CPNE4: variants seen among roughly 807,000 people sequenced by gnomAD.
CPNE4 encodes copine 4.
Under a neutral mutation model 67.9 loss-of-function variants are expected in CPNE4, and 25 were observed. The ratio of observed to expected loss-of-function variants is 0.37; its 90% confidence interval spans 0.27 to 0.51. The LOEUF (loss-of-function observed/expected upper bound fraction) is 0.51. Among genes scored for constraint, CPNE4 ranks in the 20% least tolerant of loss-of-function variants. The pLI is 0.93. For missense variants in CPNE4, 464 were observed against 690.8 expected (o/e 0.67, Z 3.68); for synonymous variants, 242 against 244.9 (o/e 0.99, Z 0.11).
chr3:131,625,868 T>C (rs952760582), intron 7 of CPNE4, among the ~76,000 whole-genome samples: 3 of 152,222 alleles, frequency 2.0e-5, no homozygotes, highest in African/African-American at 7.2e-5. Flanking sequence ...TCTATCAGTG[T>C]CATTTTTCCA....
At chr3:131,806,971 G>A (rs937833996) in intron 2 of CPNE4, among the ~76,000 whole-genome samples, 3 of 152,162 alleles carry the variant, frequency 2.0e-5, no homozygotes, top group African/African-American at 7.2e-5. Flanking sequence ...TCACACTAGA[G>A]GTTTACCAGG....
intron 2 of CPNE4, among the ~76,000 whole-genome samples, chr3:131,742,766 T>A (rs563451492): frequency 3.5e-4 from 53 of 152,088 alleles, no homozygotes; most frequent in African/African-American, 1.2e-3. Flanking sequence ...TTCCTAGAGA[T>A]CCTTGTATTA....
At chr3:131,669,094 A>G (rs2080334550) in intron 7 of CPNE4, among the ~76,000 whole-genome samples, 1 of 152,138 alleles carries the variant, frequency 6.6e-6, no homozygotes, top group African/African-American at 2.4e-5. Flanking sequence ...TGTGTGTGTT[A>G]GTCCAAGCTG....
At chr3:131,824,026 A>G (rs890550748) in intron 2 of CPNE4, among the ~76,000 whole-genome samples, 32 of 152,222 alleles carry the variant, frequency 2.1e-4, no homozygotes, top group Non-Finnish European at 5.9e-5. Flanking sequence ...AGAATCTAAC[A>G]AAGAATCTTT....
Position 131,802,864 on chromosome 3 carries a change from A to C in CPNE4, c.181-79239T>G, listed in dbSNP as rs546991427. Among the ~76,000 whole-genome samples the C allele has an allele frequency of 8.5e-5, 13 of 152,314 alleles. No individual in the cohort carries two copies. In the East Asian group the frequency reaches 2.5e-3, roughly 29 times the overall value. On this transcript the variant is annotated intron_variant, in intron 2 of 15. Transcript: ENST00000429747. ...TCAAAGAGGGACCAGGTCATGATAA[A>C]GCAAAGCTGAAAGTCACTGCAGAGC...
chr3:131,887,114 C>A (rs2087923237), intron 2 of CPNE4, among the ~76,000 whole-genome samples: 1 of 152,152 alleles, frequency 6.6e-6, no homozygotes, highest in South Asian at 2.1e-4. Flanking sequence ...CTCATGATTC[C>A]CACATGTTGT....
chr3:131,801,448 G>GTA (rs1468625662), intron 2 of CPNE4, among the ~76,000 whole-genome samples: 1 of 59,848 alleles, frequency 1.7e-5, no homozygotes, highest in African/African-American at 7.3e-5. Flanking sequence ...GTGTGTGTGT[G>GTA]TGTGTATATA....
intron 7 of CPNE4, among the ~76,000 whole-genome samples, chr3:131,655,661 G>A (rs1020429332): frequency 2.6e-5 from 4 of 152,136 alleles, no homozygotes; most frequent in African/African-American, 4.8e-5. Context: ...GGGGGGCAGG[G>A]GGGTGGAGAC....
intron 5 of CPNE4, 75 bp downstream of exon 5, chr3:131,696,467 T>C: frequency 4.3e-6 from 6 of 1,379,756 alleles, no homozygotes; most frequent in Non-Finnish European, 6.2e-6. Flanking sequence ...GAAAAATAGT[T>C]GCAGGGGGAA....
intron 2 of CPNE4, among the ~76,000 whole-genome samples, chr3:131,739,955 C>G (rs548993231): frequency 6.6e-6 from 1 of 152,226 alleles, no homozygotes; most frequent in Non-Finnish European, 1.5e-5. Context: ...AATGTCAAAG[C>G]GACTTGCCCT....
At chr3:131,907,177 C>T (rs561949048) in intron 1 of CPNE4, among the ~76,000 whole-genome samples, 1 of 152,148 alleles carries the variant, frequency 6.6e-6, no homozygotes, top group Non-Finnish European at 1.5e-5. Flanking sequence ...CAGAGGCCAT[C>T]AGTGCTCTCC....
At chr3:131,689,016 G>T (rs1348577606) in intron 5 of CPNE4, among the ~76,000 whole-genome samples, 2 of 152,116 alleles carry the variant, frequency 1.3e-5, no homozygotes, top group African/African-American at 4.8e-5. Context: ...TAGGCAAGAA[G>T]TTATTGTCAG....
intron 1 of CPNE4, among the ~76,000 whole-genome samples, chr3:131,972,178 A>G (rs911597015): frequency 3.9e-5 from 6 of 152,352 alleles, no homozygotes; most frequent in African/African-American, 1.4e-4. Flanking sequence ...AAGACAGTAA[A>G]TGCTGTTCTT....
chr3:131,575,311 T>C (rs78407712), intron 9 of CPNE4, among the ~76,000 whole-genome samples, 181 bp from the exon 10 acceptor site: 5,579 of 152,232 alleles, frequency 0.037, 307 homozygotes, highest in African/African-American at 0.12. Flanking sequence ...AAAGCAATAT[T>C]AATACAGATG....
At chr3:131,921,854 A>G (rs1411995569) in intron 1 of CPNE4, among the ~76,000 whole-genome samples, 1 of 152,318 alleles carries the variant, frequency 6.6e-6, no homozygotes, top group African/African-American at 2.4e-5. Flanking sequence ...CCCAGAGAAG[A>G]TAGACATGCT....
chr3:131,567,348 A>G (rs1480394399), intron 10 of CPNE4, among the ~76,000 whole-genome samples: 1 of 152,006 alleles, frequency 6.6e-6, no homozygotes, highest in Non-Finnish European at 1.5e-5. Context: ...TTATATCTAG[A>G]TAAGTGTGTG....
intron 1 of CPNE4, among the ~76,000 whole-genome samples, chr3:131,977,448 G>A (rs1378861239): frequency 2.0e-5 from 3 of 152,066 alleles, no homozygotes; most frequent in Admixed American, 6.6e-5. Context: ...CTCAATTAGA[G>A]CCTACAACTG....
chr3:131,835,445 C>T (rs2085517348), intron 2 of CPNE4, among the ~76,000 whole-genome samples: 1 of 152,062 alleles, frequency 6.6e-6, no homozygotes, highest in Non-Finnish European at 1.5e-5. Context: ...AGGAGAATCG[C>T]TTGAACCTAG....
intron 3 of CPNE4, among the ~76,000 whole-genome samples, chr3:131,705,458 C>T (rs1240924060): frequency 6.6e-5 from 10 of 152,094 alleles, no homozygotes; most frequent in Non-Finnish European, 1.0e-4. Flanking sequence ...TAAAAATTAT[C>T]TTTGGAAGGG....
Sources: gnomAD v4.1 joint callset for allele counts (sites outside exome capture counted in the v4.1 genomes callset) on GRCh38, gnomAD v4.1.1 for gene constraint, MANE v1.5 for transcripts, NCBI Gene and HGNC (gene_info 2026-07-23, HGNC 2026-07-21) for gene names.